Variants in PDZK1 observed in about 807,000 individuals in gnomAD.
PDZK1 encodes the protein PDZ domain containing 1.
In PDZK1, 23 loss-of-function variants were observed where a neutral mutation model predicts 38.1. The ratio of observed to expected loss-of-function variants is 0.60; its 90% CI spans 0.43 to 0.85. The LOEUF is 0.85. PDZK1 is among the 40% of genes least tolerant of loss of function. PDZK1 has a pLI of 0.00. For synonymous variants in PDZK1, 98 were observed against 186.2 expected (o/e 0.53, Z 3.86); for missense variants, 297 against 504.3 (o/e 0.59, Z 3.94).
intron 1 of PDZK1, among the ~76,000 whole-genome samples, chr1:145,703,030 C>T (rs587693400): frequency 1.3e-5 from 2 of 152,266 alleles, no homozygotes; most frequent in South Asian, 2.1e-4. Flanking sequence ...TTTGCTCATG[C>T]CCCATGAGCA....
chr1:145,682,768 C>G, intron 3 of PDZK1, 132 bp from the exon 4 acceptor site: 1 of 1,215,558 alleles, frequency 8.2e-7, no homozygotes, highest in Non-Finnish European at 1.2e-6. Flanking sequence ...TTTACTGTCC[C>G]TAGTCTAAGA....
intron 2 of PDZK1, among the ~76,000 whole-genome samples, chr1:145,687,014 G>T (rs1276814849): frequency 6.6e-6 from 1 of 152,118 alleles, no homozygotes; most frequent in African/African-American, 2.4e-5. Flanking sequence ...GCCCTAGATT[G>T]TAACCATTCC....
chr1:145,695,874 C>T lies in PDZK1; in HGVS notation c.-2-7851G>A, dbSNP rs587625671. Among the ~76,000 whole-genome samples, 4 of 152,318 alleles carry T rather than the reference C, an allele frequency of 2.6e-5. No individual in the cohort carries two copies. The South Asian group carries it at 8.3e-4, about 32-fold the overall frequency. On this transcript the variant is annotated intron_variant, in intron 1 of 8. Transcript: ENST00000417171. ...AGTGACATTGTAGTAAGTCTTCAGC[C>T]TTGTTCCCTCAGATTTCTCCATGCA... is the stretch of plus-strand genomic sequence containing the variant.
chr1:145,672,184 TC>T (rs1256349564), intron 8 of PDZK1, among the ~76,000 whole-genome samples: 1 of 152,218 alleles, frequency 6.6e-6, no homozygotes, highest in Non-Finnish European at 1.5e-5. Flanking sequence ...GAATGCTTAA[TC>T]TTTCCTAGTA....
intron 5 of PDZK1, among the ~76,000 whole-genome samples, chr1:145,680,211 C>T (rs1654098937): frequency 6.6e-6 from 1 of 152,022 alleles, no homozygotes; most frequent in African/African-American, 2.4e-5. Context: ...CTAAAGAATT[C>T]CTGTCTGCTT....
At chr1:145,688,690 G>C (rs1186686838) in intron 1 of PDZK1, among the ~76,000 whole-genome samples, 1 of 152,176 alleles carries the variant, frequency 6.6e-6, no homozygotes, top group Non-Finnish European at 1.5e-5. Context: ...GGCAGGCACA[G>C]TGGCTCACCC....
At chr1:145,686,847 A>G in intron 2 of PDZK1, 121 bp from the exon 3 acceptor site, 1 of 799,168 alleles carries the variant, frequency 1.3e-6, no homozygotes. Flanking sequence ...TTGACACCCA[A>G]GTAGAAGCAG....
At chr1:145,676,785 A>G (rs200338624) in intron 6 of PDZK1, among the ~76,000 whole-genome samples, 113 of 150,744 alleles carry the variant, frequency 7.5e-4, no homozygotes, top group East Asian at 4.1e-3. Context: ...ATTCTTGAAG[A>G]TGCTCTCTTC....
chr1:145,676,623 G>A (rs1653703063), intron 6 of PDZK1, among the ~76,000 whole-genome samples: 2 of 149,230 alleles, frequency 1.3e-5, no homozygotes, highest in South Asian at 4.4e-4. Flanking sequence ...CTACTCAGGA[G>A]GCTGAGGCAG....
intron 1 of PDZK1, among the ~76,000 whole-genome samples, chr1:145,700,509 A>ATCACTAGCTACT (rs1170316160): frequency 2.0e-5 from 3 of 152,186 alleles, no homozygotes; most frequent in Non-Finnish European, 4.4e-5. Context: ...CCAGAGAGGG[A>ATCACTAGCTACT]CCTTCATAGC....
intron 1 of PDZK1, among the ~76,000 whole-genome samples, chr1:145,704,464 C>G (rs587738378): frequency 6.6e-6 from 1 of 152,184 alleles, no homozygotes; most frequent in African/African-American, 2.4e-5. Context: ...AATAGCAAAG[C>G]TGTCTGAAGA....
intron 6 of PDZK1, chr1:145,676,138 C>A (rs587663306): frequency 2.1e-6 from 2 of 973,962 alleles, no homozygotes; most frequent in African/African-American, 3.5e-5. Flanking sequence ...CTACCCTCCA[C>A]CCCAACCTAC....
chr1:145,682,730 C>T, intron 3 of PDZK1, 94 bp from the exon 4 acceptor site: 1 of 1,373,360 alleles, frequency 7.3e-7, no homozygotes, highest in African/African-American at 1.4e-5. Context: ...AGCCCCAGTC[C>T]TGTGATTGCC....
At chr1:145,683,401 A>G (rs1182830202) in intron 3 of PDZK1, among the ~76,000 whole-genome samples, 1 of 152,236 alleles carries the variant, frequency 6.6e-6, no homozygotes, top group Non-Finnish European at 1.5e-5. Context: ...CATTTGTAGA[A>G]TCAGAAAGCA....
rs587671093 is a variant in PDZK1, at chr1:145,694,616, T to C, written c.-2-6593A>G. On this transcript the variant is annotated intron_variant, in intron 1 of 8. Transcript: ENST00000417171. Reference sequence around the variant, plus strand: ...GAAAAAGTTTTAGAACAAAAATAACTTGCCGGGTGCAGTGGCTCACACCTG... The same window carrying C: ...GAAAAAGTTTTAGAACAAAAATAACCTGCCGGGTGCAGTGGCTCACACCTG... 2.0e-5 allele frequency among the ~76,000 whole-genome samples: 3 copies of C among 152,162 alleles called. No individual in the cohort carries two copies. In the East Asian group the frequency reaches 5.8e-4, roughly 29 times the overall value.
chr1:145,698,750 G>A (rs1229371410), intron 1 of PDZK1, among the ~76,000 whole-genome samples: 1 of 151,982 alleles, frequency 6.6e-6, no homozygotes, highest in Non-Finnish European at 1.5e-5. Context: ...CCAACATGGT[G>A]AAACCTCATC....
intron 1 of PDZK1, among the ~76,000 whole-genome samples, chr1:145,688,720 G>T (rs1305785597): frequency 6.6e-6 from 1 of 152,136 alleles, no homozygotes; most frequent in African/African-American, 2.4e-5. Context: ...CAGCACTTTG[G>T]GAGGCCGAGG....
intron 1 of PDZK1, 145 bp from the exon 2 acceptor site, chr1:145,688,168 C>T: frequency 1.4e-6 from 1 of 717,442 alleles, no homozygotes; most frequent in Admixed American, 2.4e-5. Context: ...CACAGGAGGA[C>T]ACCTTCCAGA....
intron 1 of PDZK1, 75 bp from the exon 2 acceptor site, chr1:145,688,098 T>C: frequency 8.0e-7 from 1 of 1,250,006 alleles, no homozygotes; most frequent in Non-Finnish European, 1.2e-6. Flanking sequence ...ATCCTCCATC[T>C]CCTATAATTC....
Sources: allele counts gnomAD v4.1 joint callset (sites outside exome capture counted in the v4.1 genomes callset), GRCh38; gene constraint gnomAD v4.1.1; transcripts MANE v1.5; gene names NCBI Gene and HGNC (gene_info 2026-07-23, HGNC 2026-07-21).